Variants in FNIP2 observed in about 807,000 individuals in gnomAD.
FNIP2 encodes the protein folliculin-interacting protein 2.
A neutral mutation model predicts 108.7 loss-of-function variants in FNIP2; 32 were observed. The ratio of observed to expected loss-of-function variants is 0.29; its 90% CI spans 0.22 to 0.40. The LOEUF is 0.40. Among genes scored for constraint, FNIP2 ranks in the 10% least tolerant of loss-of-function variants. The probability of loss-of-function intolerance (pLI) is 1.00; values close to 1 mark genes in which losing one functional copy is unlikely to be tolerated. For missense variants in FNIP2, 1,202 were observed against 1,381.6 expected (o/e 0.87, Z 2.06); for synonymous variants, 480 against 496.7 (o/e 0.97, Z 0.45).
rs139885385 is a variant in FNIP2, at chr4:158,889,715, G to T, written c.2950-1731G>T. ...GTCTCTAATATAGATCTGTCCCGTG[G>T]CATGACCAGCATGTTGTGGATTTCT... is the stretch of plus-strand genomic sequence containing the variant. On this transcript the variant is annotated intron_variant, in intron 14 of 16. Transcript: ENST00000264433. 102 of 564,612 alleles carry T rather than the reference G, an allele frequency of 1.8e-4. No homozygotes were observed. In the African/African-American group the frequency reaches 1.8e-3, roughly 10 times the overall value. The allele number at this position is 564,612 out of a possible 1,614,324, so 35.0% of individuals were successfully genotyped here.
intron 7 of FNIP2, 97 bp downstream of exon 7, chr4:158,835,573 C>G (rs1778753181): frequency 2.8e-6 from 3 of 1,088,740 alleles, no homozygotes; most frequent in Admixed American, 3.7e-5. Context: ...AACCCTCATC[C>G]TGTTCTTTGT....
intron 14 of FNIP2, among the ~76,000 whole-genome samples, chr4:158,882,616 A>G (rs1412246313): frequency 3.3e-5 from 5 of 152,268 alleles, no homozygotes; most frequent in African/African-American, 7.2e-5. Flanking sequence ...GTGTAGAAAG[A>G]AGTAGATATA....
At chr4:158,899,543 A>G (rs997073470) in intron 16 of FNIP2, among the ~76,000 whole-genome samples, 2 of 152,210 alleles carry the variant, frequency 1.3e-5, no homozygotes, top group African/African-American at 4.8e-5. Flanking sequence ...TTATCAGTCT[A>G]TTCAGGGATT....
At chr4:158,822,557 G>A (rs1777943543) in intron 1 of FNIP2, among the ~76,000 whole-genome samples, 1 of 152,184 alleles carries the variant, frequency 6.6e-6, no homozygotes, top group South Asian at 2.1e-4. Context: ...GAGTGCAGTG[G>A]TATGATCATG....
At chr4:158,812,272 G>A (rs1412507276) in intron 1 of FNIP2, among the ~76,000 whole-genome samples, 1 of 152,168 alleles carries the variant, frequency 6.6e-6, no homozygotes, top group Non-Finnish European at 1.5e-5. Context: ...TCTGTCAGTA[G>A]GAGCAAGACC....
chr4:158,900,704 CTTTAT>C lies in FNIP2; in HGVS notation c.3267-3758_3267-3754del, dbSNP rs202011730. On this transcript the variant is annotated intron_variant, in intron 16 of 16. Coordinates refer to ENST00000264433, the MANE Select transcript of FNIP2 (RefSeq NM_020840.3). ...TTTGCTTGTAGATCTTCCTCCATCTCTTTATTTTGAGTCTGTGTATGTGTTTGCAC... is the reference window on the plus strand; with the variant it reads ...TTTGCTTGTAGATCTTCCTCCATCTCTTTGAGTCTGTGTATGTGTTTGCAC... Among the ~76,000 whole-genome samples the C allele has an allele frequency of 4.9e-3, 747 of 152,202 alleles. 3 individuals are homozygous for C. The highest frequency in any genetic ancestry group is 0.01 in the Admixed American group (153 of 15,274).
chr4:158,784,493 T>C (rs775712480), intron 1 of FNIP2, among the ~76,000 whole-genome samples: 4 of 152,216 alleles, frequency 2.6e-5, no homozygotes, highest in Admixed American at 6.5e-5. Context: ...TCTATTATTA[T>C]AACATTGTAA....
In FNIP2 at chr4:158,769,329, C is replaced by T; in HGVS notation, c.107+10C>T. 1 of 1,473,186 alleles carries T rather than the reference C, an allele frequency of 6.8e-7. No individual in the cohort carries two copies. The highest frequency in any genetic ancestry group is 2.4e-5 in the Admixed American group (1 of 41,508). The allele number at this position is 1,473,186 out of a possible 1,614,324, so 91.3% of individuals were successfully genotyped here. Reference sequence around the variant, plus strand: ...AAGGACCCGCCTTTAGGTGAGGGGGCGCCGGGGGGCAATTCTGGCGCGGGA... The same window carrying T: ...AAGGACCCGCCTTTAGGTGAGGGGGTGCCGGGGGGCAATTCTGGCGCGGGA... On this transcript the variant is annotated intron_variant, in intron 1 of 16. Coordinates refer to ENST00000264433, the MANE Select transcript of FNIP2 (RefSeq NM_020840.3).
rs1729750292 is a variant in FNIP2 at position 158,905,447 on chromosome 4, G to T, written c.*903G>T. The stretch of plus-strand genomic sequence containing the variant: ...CAGCTGAAGCCACTTTTTCCTTATA[G>T]TTAATACAAATGACTATTTTTACTT... On this transcript the variant is annotated 3_prime_UTR_variant, in exon 17 of 17. Coordinates refer to ENST00000264433, the MANE Select transcript of FNIP2 (RefSeq NM_020840.3). 1 of 152,152 alleles carries T rather than the reference G, an allele frequency of 6.6e-6. No homozygotes were observed. The highest frequency in any genetic ancestry group is 2.4e-5 in the African/African-American group (1 of 41,436). 9.4% of individuals were successfully genotyped at this position (152,152 alleles called of 1,614,324 possible).
chr4:158,900,933 T>C (rs1221285599), intron 16 of FNIP2, among the ~76,000 whole-genome samples: 1 of 152,208 alleles, frequency 6.6e-6, no homozygotes, highest in Non-Finnish European at 1.5e-5. Context: ...ATAGTGTTGA[T>C]GGTCTTTACA....
chr4:158,774,686 T>C (rs570801826), intron 1 of FNIP2, among the ~76,000 whole-genome samples: 2 of 152,284 alleles, frequency 1.3e-5, no homozygotes, highest in African/African-American at 4.8e-5. Flanking sequence ...TTTGACAGGG[T>C]CGCTACTTCA....
Position 158,831,886 on chromosome 4 carries a change from A to C in FNIP2, c.407A>C (p.Asn136Thr), listed in dbSNP as rs766116457. The C allele has an allele frequency of 6.2e-7, 1 of 1,612,064 alleles. No individual in the cohort carries two copies. Among genetic ancestry groups the C allele is most frequent in the Admixed American group, 1.7e-5 (1 of 59,768 alleles). The change falls in exon 4 of 17, where the codon AAC (asparagine) becomes ACC (threonine). Residue 136 changes from asparagine (N) to threonine (T), a missense_variant. This residue lies in a region of FNIP2 where 173 missense variants were observed against 165.9 expected (regional missense o/e 1.04). Transcript: ENST00000264433. ...TACACAAGACCAGCTTCCGATGTCA[A>C]CATGTTAGGGGAAATGATGTTTGGC... The part of the protein sequence containing the change: ...YQYTRPASDV[N>T]MLGEMMFGSV...
Position 158,895,815 on chromosome 4 carries a change from T to A in FNIP2, c.3216T>A (p.Tyr1072Ter). Reference sequence around the variant, plus strand: ...TTAAAAGTAAAATGCTATCTGAATATCTCCGGGGACACACACGAGTCCATG... The same window carrying A: ...TTAAAAGTAAAATGCTATCTGAATAACTCCGGGGACACACACGAGTCCATG... ...MYLKSKMLSE[Y>*]LRGHTRVHVK... Residue 1072 changes from tyrosine to a stop codon, truncating the protein, a stop_gained, in exon 16 of 17, where the codon TAT becomes TAA. Coordinates refer to ENST00000264433, the MANE Select transcript of FNIP2 (RefSeq NM_020840.3). LOFTEE classifies it high-confidence loss of function. 1 of 1,613,360 alleles carries A rather than the reference T, an allele frequency of 6.2e-7. No individual in the cohort carries two copies. The highest frequency in any genetic ancestry group is 8.5e-7 in the Non-Finnish European group (1 of 1,179,606).
At position 158,904,708 on chromosome 4, in the gene FNIP2, G is replaced by T; in HGVS notation, c.*164G>T. On this transcript the variant is annotated 3_prime_UTR_variant, in exon 17 of 17. Transcript: ENST00000264433. Reference sequence around the variant, plus strand: ...TTTGCTGTCAAGCTGATGCTTCATTGAAGACTTAGGTTTACTTGACATAAT... The same window carrying T: ...TTTGCTGTCAAGCTGATGCTTCATTTAAGACTTAGGTTTACTTGACATAAT... 1.6e-6 allele frequency: 1 copy of T among 619,964 alleles called. No individual in the cohort carries two copies. Among genetic ancestry groups the T allele is most frequent in the Non-Finnish European group, 2.8e-6 (1 of 352,910 alleles). The allele number at this position is 619,964 out of a possible 1,614,324, so 38.4% of individuals were successfully genotyped here.
intron 14 of FNIP2, among the ~76,000 whole-genome samples, chr4:158,884,125 A>G (rs1257246595): frequency 6.6e-6 from 1 of 152,142 alleles, no homozygotes; most frequent in Non-Finnish European, 1.5e-5. Flanking sequence ...CACGTGAAAT[A>G]CTAGTCATTT....
At chr4:158,883,275 T>C (rs1781802563) in intron 14 of FNIP2, among the ~76,000 whole-genome samples, 1 of 152,140 alleles carries the variant, frequency 6.6e-6, no homozygotes, top group Non-Finnish European at 1.5e-5. Flanking sequence ...GGAGTCTGGC[T>C]CTGTCGTCCA....
At chr4:158,890,086 A>G in intron 14 of FNIP2, 1 of 985,432 alleles carries the variant, frequency 1.0e-6, no homozygotes, top group Non-Finnish European at 1.2e-6. Flanking sequence ...CTACAAAATG[A>G]GAACTGTCTT....
At chr4:158,859,694 A>T in intron 10 of FNIP2, 28 bp downstream of exon 10, 1 of 1,570,062 alleles carries the variant, frequency 6.4e-7, no homozygotes, top group East Asian at 2.2e-5. Context: ...GGCAAATCCA[A>T]CAGGAGATGT....
chr4:158,774,359 A>G (rs1052329360), intron 1 of FNIP2, among the ~76,000 whole-genome samples: 5 of 152,148 alleles, frequency 3.3e-5, no homozygotes, highest in Admixed American at 1.3e-4. Context: ...GATTTGGATT[A>G]TTTTAAACCT....
Sources: allele counts gnomAD v4.1 joint callset (sites outside exome capture counted in the v4.1 genomes callset), GRCh38; gene constraint gnomAD v4.1.1; regional missense constraint gnomAD v4.1.1; transcripts MANE v1.5; gene names NCBI Gene and HGNC (gene_info 2026-07-23, HGNC 2026-07-21).